KLF12: variants seen among roughly 807,000 people sequenced by gnomAD.
KLF12 encodes the protein Krueppel-like factor 12.
A neutral mutation model predicts 37.8 loss-of-function variants in KLF12; 9 were observed. The observed-to-expected ratio is 0.24, with a 90% confidence interval of 0.14 to 0.42. The LOEUF is 0.42. Ranked by LOEUF, KLF12 falls within the 10% of genes least tolerant of loss-of-function variation. KLF12 has a pLI of 1.00. For synonymous variants in KLF12, 208 were observed against 202.1 expected (o/e 1.03, Z -0.25); for missense variants, 411 against 516.0 (o/e 0.80, Z 1.97).
At chr13:73,724,591 G>A (rs1304108105) in intron 6 of KLF12, among the ~76,000 whole-genome samples, 1 of 151,270 alleles carries the variant, frequency 6.6e-6, no homozygotes, top group Non-Finnish European at 1.5e-5. Context: ...CTTCCCACCT[G>A]AGACAGATAA....
chr13:73,773,266 A>G (rs750740271), intron 5 of KLF12, among the ~76,000 whole-genome samples: 10 of 152,050 alleles, frequency 6.6e-5, no homozygotes, highest in Non-Finnish European at 1.0e-4. Context: ...CATCTTCTCG[A>G]TTGACTTTAA....
At chr13:74,265,488 G>A in the KLF12 span, among the ~76,000 whole-genome samples, 1 of 152,172 alleles carries the variant, frequency 6.6e-6, no homozygotes, top group Non-Finnish European at 1.5e-5. Flanking sequence ...TAGACCTGTG[G>A]TCGTTTTCTG....
chr13:74,207,342 G>A, the KLF12 span, among the ~76,000 whole-genome samples: 3 of 152,150 alleles, frequency 2.0e-5, no homozygotes, highest in African/African-American at 7.2e-5. Flanking sequence ...GTATGGGATG[G>A]GAAAGTACAA....
chr13:74,290,834 T>G, the KLF12 span, among the ~76,000 whole-genome samples: 2 of 152,238 alleles, frequency 1.3e-5, no homozygotes, highest in Admixed American at 1.3e-4. Flanking sequence ...CTGATTTACA[T>G]GCCATTGGAT....
At chr13:74,264,784 A>G in the KLF12 span, among the ~76,000 whole-genome samples, 4 of 152,238 alleles carry the variant, frequency 2.6e-5, no homozygotes, top group African/African-American at 9.6e-5. Flanking sequence ...CAAAATAAAT[A>G]TACTTAACAA....
chr13:74,037,875 G>C (rs904942529), intron 1 of KLF12, among the ~76,000 whole-genome samples: 1 of 152,182 alleles, frequency 6.6e-6, no homozygotes, highest in Non-Finnish European at 1.5e-5. Flanking sequence ...TCATGCCATA[G>C]TTAATGCAGA....
chr13:73,813,084 G>A (rs1883027414), intron 5 of KLF12, 68 bp downstream of exon 5: 1 of 1,531,824 alleles, frequency 6.5e-7, no homozygotes, highest in African/African-American at 1.4e-5. Flanking sequence ...GACAGGAGAT[G>A]CTGCAGTTTC....
At position 74,055,141 on chromosome 13, in the gene KLF12, A is replaced by G. The variant is rs146748414; in HGVS notation, c.-31-60088T>C. ...CCAAATATTTTTAAAGCATCAGAAA[A>G]ATCATGTTAAGAAAAACTGCCATAA... On this transcript the variant is annotated intron_variant, in intron 1 of 7. Transcript: ENST00000377669. Among the ~76,000 whole-genome samples the G allele has an allele frequency of 1.6e-3, 250 of 152,340 alleles. 1 individual carries two copies. The highest frequency in any genetic ancestry group is 3.7e-3 in the Admixed American group (57 of 15,296).
chr13:73,789,965 C>T (rs1291208355), intron 5 of KLF12, among the ~76,000 whole-genome samples: 1 of 152,126 alleles, frequency 6.6e-6, no homozygotes, highest in Non-Finnish European at 1.5e-5. Flanking sequence ...TGTGAGCCAC[C>T]GTGCCTGGCC....
intron 1 of KLF12, among the ~76,000 whole-genome samples, chr13:74,119,878 T>C (rs1877523264): frequency 6.7e-6 from 1 of 149,900 alleles, no homozygotes; most frequent in Non-Finnish European, 1.5e-5. Flanking sequence ...TTATAAATGA[T>C]AACACACCTA....
At chr13:74,077,157 T>C (rs1035602903) in intron 1 of KLF12, among the ~76,000 whole-genome samples, 10 of 152,210 alleles carry the variant, frequency 6.6e-5, no homozygotes, top group Non-Finnish European at 1.5e-5. Flanking sequence ...TCTGGGTATA[T>C]ATAACCAGTA....
intron 1 of KLF12, among the ~76,000 whole-genome samples, chr13:74,082,163 T>A (rs1593884193): frequency 2.6e-5 from 3 of 114,758 alleles, no homozygotes; most frequent in African/African-American, 3.5e-5. Flanking sequence ...CCCTGTCTCT[T>A]AAAAAAAAAA....
At chr13:73,847,958 T>C (rs759789900) in intron 3 of KLF12, among the ~76,000 whole-genome samples, 5 of 152,316 alleles carry the variant, frequency 3.3e-5, no homozygotes, top group Non-Finnish European at 5.9e-5. Flanking sequence ...AAATGTTTCT[T>C]ATTACTATAT....
the KLF12 span, among the ~76,000 whole-genome samples, chr13:74,237,475 G>A: frequency 3.6e-5 from 5 of 140,356 alleles, no homozygotes; most frequent in African/African-American, 9.5e-5. Flanking sequence ...CCAATTCTGC[G>A]AAGAAAGTCA....
intron 2 of KLF12, among the ~76,000 whole-genome samples, chr13:73,975,971 G>A (rs887878335): frequency 1.3e-5 from 2 of 152,222 alleles, no homozygotes; most frequent in Non-Finnish European, 2.9e-5. Context: ...CACACTGTAT[G>A]GAGAAGTGCC....
chr13:74,199,628 C>A, the KLF12 span, among the ~76,000 whole-genome samples: 318 of 152,256 alleles, frequency 2.1e-3, no homozygotes, highest in Middle Eastern at 0.01. Flanking sequence ...TGCAGGATGG[C>A]AGAATCACAA....
At chr13:73,953,778 A>T (rs947600092) in intron 2 of KLF12, among the ~76,000 whole-genome samples, 7 of 152,108 alleles carry the variant, frequency 4.6e-5, no homozygotes, top group Non-Finnish European at 7.4e-5. Flanking sequence ...GCCTGGAAAA[A>T]AATAGTGCTG....
intron 5 of KLF12, among the ~76,000 whole-genome samples, chr13:73,799,436 A>T (rs181878621): frequency 9.9e-5 from 15 of 152,114 alleles, no homozygotes; most frequent in Admixed American, 4.6e-4. Flanking sequence ...ATATATATAT[A>T]TTTTTAAAAA....
chr13:73,863,910 T>C (rs1886050783), intron 3 of KLF12, among the ~76,000 whole-genome samples: 1 of 152,182 alleles, frequency 6.6e-6, no homozygotes, highest in Non-Finnish European at 1.5e-5. Context: ...TTATAAAGAC[T>C]ATAAATACTT....
Sources: allele counts gnomAD v4.1 joint callset (sites outside exome capture counted in the v4.1 genomes callset), GRCh38; gene constraint gnomAD v4.1.1; transcripts MANE v1.5; gene names NCBI Gene and HGNC (gene_info 2026-07-23, HGNC 2026-07-21).